Variants in KRT71 observed in about 807,000 individuals in gnomAD.
KRT71 encodes the protein keratin 71.
A neutral mutation model predicts 46.2 loss-of-function variants in KRT71; 42 were observed. The observed-to-expected ratio is 0.91, with a 90% CI of 0.71 to 1.18. The LOEUF (loss-of-function observed/expected upper bound fraction) is 1.18, where lower values mean the gene tolerates loss of function less well. Ranked by LOEUF, KRT71 falls within the 50% of genes most tolerant of loss-of-function variation. The probability of loss-of-function intolerance (pLI) is 0.00; values close to 1 mark genes in which losing one functional copy is unlikely to be tolerated. For synonymous variants in KRT71, 292 were observed against 277.8 expected (o/e 1.05, Z -0.51); for missense variants, 708 against 677.9 (o/e 1.04, Z -0.49).
rs572879165 is a variant in KRT71, at chr12:52,550,172, G to T, written c.513C>A (p.Asn171Lys). The T allele has an allele frequency of 8.1e-6, 13 of 1,614,190 alleles. No homozygotes were observed. The South Asian group carries it at 1.2e-4, about 15-fold the overall frequency. Residue 171 changes from asparagine to lysine, a missense_variant, in exon 2 of 9, where the codon AAC (asparagine) becomes AAA (lysine). Physicochemically the swap from Asn to Lys is moderately conservative, Grantham distance 94. Transcript: ENST00000267119. ...TGGGCTCCAGGTTGTTCTTGCAGTTGTTCAGGTCCAGCTGCTGCAGCAGCT... is the reference window on the plus strand; with the variant it reads ...TGGGCTCCAGGTTGTTCTTGCAGTTTTTCAGGTCCAGCTGCTGCAGCAGCT... ...KWELLQQLDL[N>K]NCKNNLEPIL... is the part of the protein sequence containing the mutation.
In KRT71 at chr12:52,544,239, C is replaced by T. The variant is rs1188201491; in HGVS notation, c.*293G>A. 8.0e-6 allele frequency: 4 copies of T among 501,236 alleles called. No homozygotes were observed. Among genetic ancestry groups the T allele is most frequent in the East Asian group, 7.2e-5 (2 of 27,634 alleles). The allele number at this position is 501,236 out of a possible 1,614,324, so 31.0% of individuals were successfully genotyped here. On this transcript the variant is annotated 3_prime_UTR_variant, in exon 9 of 9. Transcript: ENST00000267119. The stretch of plus-strand genomic sequence containing the variant: ...AGTAGTTAGCGACTGCGCTAGAGGC[C>T]GGGCAGAGGAGGAAAGCTGGCAGCC...
Position 52,546,557 on chromosome 12 carries a change from A to T in KRT71, c.1105-51T>A, listed in dbSNP as rs545195677. The T allele has an allele frequency of 4.5e-6, 7 of 1,562,386 alleles. No homozygotes were observed. The African/African-American group carries it at 9.4e-5, about 21-fold the overall frequency. On this transcript the variant is annotated intron_variant, in intron 6 of 8. Transcript: ENST00000267119. ...AAAATTTGGAGGAGCCACTGCAACC[A>T]TCCACATCCAATCCCTCTGGGTCCT... is the stretch of plus-strand genomic sequence containing the variant.
At chr12:52,552,121 A>G (rs1057268914) in intron 1 of KRT71, among the ~76,000 whole-genome samples, 9 of 152,226 alleles carry the variant, frequency 5.9e-5, no homozygotes, top group Middle Eastern at 3.2e-3. Flanking sequence ...TGAGCACAAG[A>G]GCACCGTGGA....
chr12:52,550,279 C>T (rs1939146781), intron 1 of KRT71, 36 bp from the exon 2 acceptor site: 1 of 1,610,400 alleles, frequency 6.2e-7, no homozygotes, highest in African/African-American at 1.3e-5. Flanking sequence ...TGAACCCTTG[C>T]AGTAATAGTC....
At chr12:52,552,523 C>G (rs547308404) in intron 1 of KRT71, 114 bp downstream of exon 1, 143 of 1,098,318 alleles carry the variant, frequency 1.3e-4, no homozygotes, top group Non-Finnish European at 1.8e-4. Context: ...ACCTTGTCCA[C>G]AGTAAAGTCT....
chr12:52,552,575 G>C, intron 1 of KRT71, 62 bp downstream of exon 1: 1 of 1,490,358 alleles, frequency 6.7e-7, no homozygotes, highest in Admixed American at 2.1e-5. Context: ...TAACAAAATC[G>C]TATGTTCCAA....
At position 52,548,755 on chromosome 12, in the gene KRT71, G is replaced by T. The variant is rs773349955; in HGVS notation, c.759C>A (p.Ala253=). 1.2e-6 allele frequency: 2 copies of T among 1,614,180 alleles called. No individual in the cohort carries two copies. The highest frequency in any genetic ancestry group is 2.2e-5 in the South Asian group (2 of 91,076). Residue 253 remains alanine, a synonymous_variant, in exon 4 of 9, where the codon GCC becomes GCA. Transcript: ENST00000267119. ...AAYANKVELQ[A]KVESMDQEIK... ...TCTCCTGGTCCATGGATTCCACCTT[G>T]GCCTGCAGTTCCACCTTATTGGCGT...
intron 6 of KRT71, 83 bp from the exon 7 acceptor site, chr12:52,546,589 G>T: frequency 1.4e-6 from 2 of 1,385,242 alleles, no homozygotes; most frequent in Non-Finnish European, 2.0e-6. Context: ...TCCTTAGAGT[G>T]GGGCAGAGTG....
At chr12:52,547,270 A>G (rs1374872842) in intron 6 of KRT71, among the ~76,000 whole-genome samples, 1 of 152,158 alleles carries the variant, frequency 6.6e-6, no homozygotes, top group Non-Finnish European at 1.5e-5. Flanking sequence ...ATGAAGTGCG[A>G]TAGAAGAATA....
intron 3 of KRT71, 67 bp from the exon 4 acceptor site, chr12:52,548,863 C>T: frequency 7.2e-7 from 1 of 1,383,202 alleles, no homozygotes; most frequent in Non-Finnish European, 1.0e-6. Context: ...CCATCCCTGC[C>T]TGGGTTCCCT....
rs746874555 is a variant in KRT71, at chr12:52,552,715, G to A, written c.363C>T (p.Pro121=). ...CCTGGGCACGCACTTTCTGGATCTCGGGGTCCAGCTCCACGTTGAGGGGGG... is the reference window on the plus strand; with the variant it reads ...CCTGGGCACGCACTTTCTGGATCTCAGGGTCCAGCTCCACGTTGAGGGGGG... The part of the protein sequence containing the change: ...LLAPLNVELD[P]EIQKVRAQER... Residue 121 remains proline (P), a synonymous_variant, in exon 1 of 9, where the codon CCC becomes CCT. Transcript: ENST00000267119. The A allele has an allele frequency of 5.0e-6, 8 of 1,613,932 alleles. No individual in the cohort carries two copies. The highest frequency in any genetic ancestry group is 4.5e-5 in the East Asian group (2 of 44,884).
In KRT71 at chr12:52,546,345, C is replaced by A; in HGVS notation, c.1266G>T (p.Lys422Asn). The A allele has an allele frequency of 3.1e-6, 5 of 1,614,218 alleles. No individual in the cohort carries two copies. The highest frequency in any genetic ancestry group is 4.2e-6 in the Non-Finnish European group (5 of 1,180,026). The change falls in exon 7 of 9, where the codon AAG (lysine) becomes AAT (asparagine). Residue 422 changes from lysine to asparagine, a missense_variant. Coordinates refer to ENST00000267119, the MANE Select transcript of KRT71 (RefSeq NM_033448.3). ...TGGCGATCTCCATGTCCAGGGCCAGCTTCAGGCTCATGAGCTCCTGGTACT... is the reference window on the plus strand; with the variant it reads ...TGGCGATCTCCATGTCCAGGGCCAGATTCAGGCTCATGAGCTCCTGGTACT... ...LREYQELMSL[K>N]LALDMEIATY...
chr12:52,553,015 T>G lies in KRT71; in HGVS notation c.63A>C (p.Ser21=). The change falls in exon 1 of 9, where the codon TCA becomes TCC. Residue 21 remains serine (S), a synonymous_variant. Coordinates refer to ENST00000267119, the MANE Select transcript of KRT71 (RefSeq NM_033448.3). Reference sequence around the variant, plus strand: ...ATGAGCTGCCCCCTGAGAGCACAGCTGAGCAGCCACTGAAGCCCCCCTTGG... The same window carrying G: ...ATGAGCTGCCCCCTGAGAGCACAGCGGAGCAGCCACTGAAGCCCCCCTTGG... The part of the protein sequence containing the change: ...AAAKGGFSGC[S]AVLSGGSSSS... 6.2e-7 allele frequency: 1 copy of G among 1,610,406 alleles called. No individual in the cohort carries two copies. Among genetic ancestry groups the G allele is most frequent in the Non-Finnish European group, 8.5e-7 (1 of 1,177,884 alleles).
chr12:52,548,634 C>T, intron 4 of KRT71, 67 bp downstream of exon 4: 1 of 1,382,850 alleles, frequency 7.2e-7, no homozygotes, highest in Non-Finnish European at 1.0e-6. Flanking sequence ...ATGTCTCCTG[C>T]AGCCCCTAGA....
intron 7 of KRT71, 143 bp from the exon 8 acceptor site, chr12:52,545,742 A>G (rs1431256369): frequency 1.7e-6 from 1 of 578,838 alleles, no homozygotes; most frequent in African/African-American, 1.9e-5. Context: ...TGATGCAAGC[A>G]GAGCCTGAGA....
chr12:52,547,888 A>G lies in KRT71; in HGVS notation c.1073T>C (p.Ile358Thr). The G allele has an allele frequency of 1.9e-6, 3 of 1,614,056 alleles. No individual in the cohort carries two copies. The highest frequency in any genetic ancestry group is 2.5e-6 in the Non-Finnish European group (3 of 1,180,012). ...CTTCACGTTCTCGATCTCTGAGCGG[A>G]TTCTCTGGATGAGCCGAGTGAGCTC... ...ISELTRLIQR[I>T]RSEIENVKKQ... The change falls in exon 6 of 9, where the codon ATC (isoleucine) becomes ACC (threonine). Residue 358 changes from isoleucine (I) to threonine (T), a missense_variant. Transcript: ENST00000267119.
At chr12:52,545,520 G>A in intron 8 of KRT71, 45 bp downstream of exon 8, 2 of 1,278,820 alleles carry the variant, frequency 1.6e-6, no homozygotes, top group Non-Finnish European at 2.3e-6. Context: ...GTCCTTTCCA[G>A]GCTGCAGATT....
intron 4 of KRT71, among the ~76,000 whole-genome samples, 153 bp from the exon 5 acceptor site, chr12:52,548,469 A>G (rs373093625): frequency 3.9e-5 from 6 of 152,346 alleles, no homozygotes; most frequent in African/African-American, 1.4e-4. Flanking sequence ...CGGCAAAGCA[A>G]GTTCCCTGCT....
At chr12:52,548,448 T>C in intron 4 of KRT71, 132 bp from the exon 5 acceptor site, 2 of 1,103,736 alleles carry the variant, frequency 1.8e-6, no homozygotes, top group Non-Finnish European at 2.6e-6. Flanking sequence ...CATCCAGGGC[T>C]GTGTGCTTTG....
Sources: allele counts gnomAD v4.1 joint callset (sites outside exome capture counted in the v4.1 genomes callset), GRCh38; gene constraint gnomAD v4.1.1; transcripts MANE v1.5; gene names NCBI Gene and HGNC (gene_info 2026-07-23, HGNC 2026-07-21).